Variants in IQUB observed in about 807,000 individuals in gnomAD.
The protein encoded by IQUB is IQ motif and ubiquitin domain containing.
Under a neutral mutation model 86.4 loss-of-function variants are expected in IQUB, and 86 were observed. That is an observed-to-expected ratio of 1.00 (90% confidence interval 0.84 to 1.19). The LOEUF is 1.19. IQUB is among the 50% of genes most tolerant of loss of function. The probability of loss-of-function intolerance (pLI) is 0.00; values close to 1 mark genes in which losing one functional copy is unlikely to be tolerated. For missense variants in IQUB, 946 were observed against 916.9 expected (o/e 1.03, Z -0.41); for synonymous variants, 289 against 304.5 (o/e 0.95, Z 0.53).
At chr7:123,489,730 G>A (rs952426771) in intron 7 of IQUB, among the ~76,000 whole-genome samples, 1 of 151,374 alleles carries the variant, frequency 6.6e-6, no homozygotes, top group Admixed American at 6.6e-5. Flanking sequence ...AAACATAAGA[G>A]ATAAAAGTAT....
chr7:123,465,472 T>G (rs1403625929), intron 9 of IQUB, among the ~76,000 whole-genome samples: 1 of 152,012 alleles, frequency 6.6e-6, no homozygotes, highest in Admixed American at 6.6e-5. Context: ...ATTGGCAACT[T>G]CCTGTTTAAT....
intron 2 of IQUB, among the ~76,000 whole-genome samples, chr7:123,511,619 T>C (rs1403643680): frequency 6.6e-6 from 1 of 152,204 alleles, no homozygotes; most frequent in Non-Finnish European, 1.5e-5. Flanking sequence ...TGTAAAATAA[T>C]TCCCATTTTA....
intron 7 of IQUB, among the ~76,000 whole-genome samples, chr7:123,480,212 C>T (rs1157614538): frequency 6.6e-6 from 1 of 152,092 alleles, no homozygotes; most frequent in Non-Finnish European, 1.5e-5. Flanking sequence ...CAAATTATAA[C>T]TCCAAGTGAG....
Position 123,452,213 on chromosome 7 carries a change from T to C in IQUB, c.*530A>G, listed in dbSNP as rs978828827. Among the ~76,000 whole-genome samples the C allele has an allele frequency of 2.0e-5, 3 of 152,168 alleles. No homozygotes were observed. Among genetic ancestry groups the C allele is most frequent in the Non-Finnish European group, 4.4e-5 (3 of 68,032 alleles). On this transcript the variant is annotated 3_prime_UTR_variant, in exon 13 of 13. Transcript: ENST00000324698. ...ATAAATAGTTTCAAGTGTTGTTTTATTGGGATTATGAGAAGGATGGAAGGT... is the reference window on the plus strand; with the variant it reads ...ATAAATAGTTTCAAGTGTTGTTTTACTGGGATTATGAGAAGGATGGAAGGT...
rs186469096 is a variant in IQUB, at chr7:123,473,668, C to T, written c.1411-4284G>A. 1.3e-3 allele frequency among the ~76,000 whole-genome samples: 199 copies of T among 151,970 alleles called. 4 individuals are homozygous for T. In the East Asian group the frequency reaches 0.027, roughly 20 times the overall value. On this transcript the variant is annotated intron_variant, in intron 8 of 12. Coordinates refer to ENST00000324698, the MANE Select transcript of IQUB (RefSeq NM_178827.5). ...TCGGCTCACTGCAGCTTCCACCTCC[C>T]GGGTTCAAGTGATTCTCCTGCCTCA...
intron 8 of IQUB, among the ~76,000 whole-genome samples, chr7:123,473,038 C>T (rs1408311591): frequency 6.6e-6 from 1 of 152,106 alleles, no homozygotes; most frequent in Non-Finnish European, 1.5e-5. Context: ...ATAACAAGAA[C>T]CTGGAGAGCA....
chr7:123,524,930 A>T (rs1797117515), intron 1 of IQUB, among the ~76,000 whole-genome samples: 1 of 151,812 alleles, frequency 6.6e-6, no homozygotes. Context: ...AATTTTGTCA[A>T]AGGCCTTTTC....
At position 123,472,237 on chromosome 7, in the gene IQUB, C is replaced by CA. The variant is rs533129186; in HGVS notation, c.1411-2854dup. ...TGGGCAACAGTGCAAGACCCCAACTCAAAAAAAAAAAGAAAAAAGAAAAGA... is the reference window on the plus strand; with the variant it reads ...TGGGCAACAGTGCAAGACCCCAACTCAAAAAAAAAAAAGAAAAAAGAAAAGA... On this transcript the variant is annotated intron_variant, in intron 8 of 12. Coordinates refer to ENST00000324698, the MANE Select transcript of IQUB (RefSeq NM_178827.5). Among the ~76,000 whole-genome samples, 399 of 96,830 alleles carry CA rather than the reference C, an allele frequency of 4.1e-3. 1 individual carries two copies. Among genetic ancestry groups the CA allele is most frequent in the African/African-American group, 7.3e-3 (190 of 26,074 alleles). The allele number at this position is 96,830 out of a possible 152,430, so 63.5% of individuals were successfully genotyped here. A position where few individuals can be genotyped will look rare whatever the true frequency, so the allele number is the denominator to read the frequency against.
intron 8 of IQUB, among the ~76,000 whole-genome samples, chr7:123,474,209 G>A (rs1461566229): frequency 2.0e-5 from 3 of 152,122 alleles, no homozygotes; most frequent in African/African-American, 7.2e-5. Flanking sequence ...CCAAATTAAA[G>A]GAAAGTAAAT....
At chr7:123,473,737 G>A (rs966991809) in intron 8 of IQUB, among the ~76,000 whole-genome samples, 17 of 145,318 alleles carry the variant, frequency 1.2e-4, no homozygotes, top group African/African-American at 2.7e-4. Flanking sequence ...CACAATGCCC[G>A]GCTAATTTTT....
chr7:123,478,885 C>T (rs2117069257), intron 8 of IQUB, among the ~76,000 whole-genome samples: 1 of 152,082 alleles, frequency 6.6e-6, no homozygotes, highest in Non-Finnish European at 1.5e-5. Flanking sequence ...CTTGGGAAAT[C>T]CAAAGAGCAG....
At chr7:123,464,198 G>A (rs796878109) in intron 10 of IQUB, among the ~76,000 whole-genome samples, 9 of 151,836 alleles carry the variant, frequency 5.9e-5, no homozygotes, top group African/African-American at 2.2e-4. Flanking sequence ...GTTTTAAATA[G>A]CTCTGCACAG....
At chr7:123,516,611 T>C (rs956687818) in intron 1 of IQUB, among the ~76,000 whole-genome samples, 4 of 152,124 alleles carry the variant, frequency 2.6e-5, no homozygotes, top group Admixed American at 2.0e-4. Context: ...TTGTTTCTAT[T>C]TGGATAAAGA....
At chr7:123,494,386 G>A (rs1356963338) in intron 7 of IQUB, among the ~76,000 whole-genome samples, 2 of 152,088 alleles carry the variant, frequency 1.3e-5, no homozygotes, top group Non-Finnish European at 2.9e-5. Flanking sequence ...AGCCACAAGA[G>A]GGCAGCAGCT....
chr7:123,530,672 A>ATTTTTTTTTTTTT (rs377272603), intron 1 of IQUB, among the ~76,000 whole-genome samples: 1 of 99,458 alleles, frequency 1.0e-5, no homozygotes, highest in East Asian at 3.0e-4. Context: ...TTGCTCTTTG[A>ATTTTTTTTTTTTT]TTTTTTTTTT....
intron 7 of IQUB, 118 bp downstream of exon 7, chr7:123,496,578 C>A (rs750578096): frequency 2.5e-5 from 15 of 591,990 alleles, no homozygotes; most frequent in Non-Finnish European, 3.7e-5. Context: ...TTCTCTACTG[C>A]AAATTTCCAA....
chr7:123,518,167 A>G (rs551905992), intron 1 of IQUB, among the ~76,000 whole-genome samples: 1 of 151,612 alleles, frequency 6.6e-6, no homozygotes, highest in Non-Finnish European at 1.5e-5. Flanking sequence ...TCGCTCACCC[A>G]TTATCCAGCC....
At chr7:123,534,023 T>A (rs992999901) in intron 1 of IQUB, among the ~76,000 whole-genome samples, 1 of 152,148 alleles carries the variant, frequency 6.6e-6, no homozygotes, top group East Asian at 1.9e-4. Context: ...TTCTACCAAA[T>A]AGATCTGTTG....
chr7:123,469,115 C>A, intron 9 of IQUB, 99 bp downstream of exon 9: 1 of 879,810 alleles, frequency 1.1e-6, no homozygotes. Context: ...TATACCAAAA[C>A]AATTCTTAAT....
Sources: allele counts gnomAD v4.1 joint callset (sites outside exome capture counted in the v4.1 genomes callset), GRCh38; gene constraint gnomAD v4.1.1; transcripts MANE v1.5; gene names NCBI Gene and HGNC (gene_info 2026-07-23, HGNC 2026-07-21).